The following IL1RAPL2 variants were observed in gnomAD, a reference collection of about 807,000 sequenced individuals.
IL1RAPL2 encodes X-linked interleukin-1 receptor accessory protein-like 2.
A neutral mutation model predicts 44.1 loss-of-function variants in IL1RAPL2; 3 were observed. The ratio of observed to expected loss-of-function variants is 0.07; its 90% CI spans 0.03 to 0.18. The LOEUF (loss-of-function observed/expected upper bound fraction) is 0.18, where lower values mean the gene tolerates loss of function less well. IL1RAPL2 is among the 10% of genes least tolerant of loss of function. The pLI, the probability that IL1RAPL2 is intolerant of heterozygous loss-of-function variation, is 1.00. For missense variants in IL1RAPL2, 391 were observed against 496.4 expected (o/e 0.79, Z 2.02); for synonymous variants, 181 against 178.8 (o/e 1.01, Z -0.10).
At chrX:104,772,977 A>G (rs1167155536) in intron 2 of IL1RAPL2, among the ~76,000 whole-genome samples, 1 of 111,063 alleles carries the variant, frequency 9.0e-6, no homozygotes, top group Non-Finnish European at 1.9e-5. Context: ...TGGCACACAC[A>G]CAGCTCACTG....
At chrX:105,563,879 C>G (rs989378011) in intron 6 of IL1RAPL2, among the ~76,000 whole-genome samples, 11 of 112,068 alleles carry the variant, frequency 9.8e-5, no homozygotes, top group Non-Finnish European at 1.1e-4. Flanking sequence ...GCATAAAGAA[C>G]TTTCAATGGC....
At chrX:105,045,771 C>A (rs764977815) in intron 2 of IL1RAPL2, among the ~76,000 whole-genome samples, 10 of 110,763 alleles carry the variant, frequency 9.0e-5, no homozygotes, top group Non-Finnish European at 1.7e-4. Flanking sequence ...CTATGCTGCC[C>A]AGGCTAGTCT....
intron 2 of IL1RAPL2, among the ~76,000 whole-genome samples, chrX:104,907,081 T>C (rs1924038017): frequency 2.7e-5 from 3 of 111,168 alleles, no homozygotes; most frequent in Admixed American, 9.5e-5. Context: ...TTTTCTAGTT[T>C]ATTTGCGTAG....
intron 6 of IL1RAPL2, among the ~76,000 whole-genome samples, chrX:105,688,945 C>T (rs927250882): frequency 9.0e-6 from 1 of 111,480 alleles, no homozygotes; most frequent in African/African-American, 3.3e-5. Flanking sequence ...TGATCTTTGA[C>T]AAACCTGACA....
At chrX:105,733,908 G>T (rs1007009263) in intron 7 of IL1RAPL2, among the ~76,000 whole-genome samples, 2 of 111,337 alleles carry the variant, frequency 1.8e-5, no homozygotes, top group African/African-American at 6.5e-5. Flanking sequence ...TTACTTTTTT[G>T]TTGAAAGCCA....
At chrX:104,605,895 A>G (rs1928998487) in intron 1 of IL1RAPL2, among the ~76,000 whole-genome samples, 1 of 111,944 alleles carries the variant, frequency 8.9e-6, no homozygotes, top group African/African-American at 3.2e-5. Flanking sequence ...GAGGTACAAA[A>G]GGAAGCTGAT....
intron 5 of IL1RAPL2, among the ~76,000 whole-genome samples, chrX:105,463,351 G>A (rs185074328): frequency 4.5e-5 from 5 of 111,326 alleles, no homozygotes; most frequent in East Asian, 5.7e-4. Context: ...TCTTGCCTTC[G>A]TTTGAAGGAA....
chrX:104,797,214 T>G (rs1171130784), intron 2 of IL1RAPL2, among the ~76,000 whole-genome samples: 1 of 46,700 alleles, frequency 2.1e-5, no homozygotes, highest in African/African-American at 8.6e-5. Flanking sequence ...AAAGTAATGT[T>G]TGCTATGACA....
intron 5 of IL1RAPL2, among the ~76,000 whole-genome samples, chrX:105,350,494 C>T (rs967060561): frequency 5.4e-5 from 6 of 112,069 alleles, no homozygotes; most frequent in Admixed American, 4.7e-4. Context: ...GAGGTCGAGG[C>T]GGGTGGATCG....
chrX:105,136,654 T>C (rs757143267), intron 2 of IL1RAPL2, among the ~76,000 whole-genome samples: 2 of 112,556 alleles, frequency 1.8e-5, no homozygotes, highest in South Asian at 7.3e-4. Context: ...AATTACAGTA[T>C]TATCTCAATA....
intron 2 of IL1RAPL2, among the ~76,000 whole-genome samples, chrX:104,729,201 A>C (rs1227542479): frequency 8.9e-6 from 1 of 111,906 alleles, no homozygotes; most frequent in Non-Finnish European, 1.9e-5. Flanking sequence ...AATAAATTCA[A>C]GTATAAAATT....
intron 2 of IL1RAPL2, among the ~76,000 whole-genome samples, chrX:104,868,610 C>T (rs1384756853): frequency 1.8e-5 from 2 of 112,078 alleles, no homozygotes; most frequent in Non-Finnish European, 3.8e-5. Context: ...ATTTGATCCC[C>T]AAAGAAACAT....
At chrX:105,410,737 A>G (rs2035689265) in intron 5 of IL1RAPL2, among the ~76,000 whole-genome samples, 1 of 112,040 alleles carries the variant, frequency 8.9e-6, no homozygotes, top group South Asian at 3.7e-4. Context: ...GAGAAAATTA[A>G]CCACCACAAT....
intron 6 of IL1RAPL2, among the ~76,000 whole-genome samples, chrX:105,535,600 G>C (rs1210155707): frequency 8.9e-6 from 1 of 111,801 alleles, no homozygotes; most frequent in African/African-American, 3.2e-5. Context: ...CATACTACTT[G>C]GCAACGAAAA....
chrX:105,059,985 A>C (rs1422694773), intron 2 of IL1RAPL2, among the ~76,000 whole-genome samples: 4 of 111,813 alleles, frequency 3.6e-5, no homozygotes. Flanking sequence ...GGATTGCTGG[A>C]TCATATGGTA....
intron 2 of IL1RAPL2, among the ~76,000 whole-genome samples, chrX:105,042,143 A>T (rs1384895649): frequency 2.7e-5 from 3 of 111,169 alleles, no homozygotes; most frequent in African/African-American, 6.6e-5. Context: ...AACCTAGGCA[A>T]TACCATTCAG....
intron 1 of IL1RAPL2, among the ~76,000 whole-genome samples, chrX:104,635,573 G>C (rs1292771161): frequency 3.6e-5 from 4 of 111,217 alleles, no homozygotes. Flanking sequence ...AACTTCTCTT[G>C]TCACTTCATT....
chrX:105,346,667 T>C (rs1048434953), intron 5 of IL1RAPL2, among the ~76,000 whole-genome samples: 10 of 111,531 alleles, frequency 9.0e-5, no homozygotes, highest in African/African-American at 3.3e-4. Context: ...CTAACATCAG[T>C]AGACAAGCTA....
intron 8 of IL1RAPL2, among the ~76,000 whole-genome samples, chrX:105,747,529 TATATATAC>T (rs1237469730): frequency 1.2e-5 from 1 of 85,528 alleles, no homozygotes; most frequent in Admixed American, 1.7e-4. Context: ...TATATATATA[TATATATAC>T]ACACACACAC....
Sources: gnomAD v4.1 joint callset for allele counts (sites outside exome capture counted in the v4.1 genomes callset) on GRCh38, gnomAD v4.1.1 for gene constraint, MANE v1.5 for transcripts, NCBI Gene and HGNC (gene_info 2026-07-23, HGNC 2026-07-21) for gene names.